The following MPRIP variants were observed in gnomAD, a reference collection of about 807,000 sequenced individuals.
The protein encoded by MPRIP is myosin phosphatase Rho interacting protein.
A neutral mutation model predicts 234.9 loss-of-function variants in MPRIP; 59 were observed. The observed-to-expected ratio is 0.25, with a 90% CI of 0.20 to 0.31. MPRIP has a LOEUF of 0.31. MPRIP is among the 10% of genes least tolerant of loss of function. The probability of loss-of-function intolerance (pLI) is 1.00; values close to 1 mark genes in which losing one functional copy is unlikely to be tolerated. For synonymous variants in MPRIP, 1,144 were observed against 1,263.9 expected (o/e 0.91, Z 2.01); for missense variants, 2,436 against 3,071.0 (o/e 0.79, Z 4.89).
intron 14 of MPRIP, among the ~76,000 whole-genome samples, chr17:17,160,321 G>A (rs562393300): frequency 2.6e-5 from 4 of 152,152 alleles, no homozygotes; most frequent in South Asian, 2.1e-4. Context: ...ACCTGAGATC[G>A]CACCATCGTA....
Position 17,172,798 on chromosome 17 carries a change from C to T in MPRIP, c.6573C>T (p.Ala2191=), listed in dbSNP as rs1387883801. Residue 2191 remains alanine, a synonymous_variant, in exon 18 of 24, where the codon GCC becomes GCT. Coordinates refer to ENST00000651222, the MANE Select transcript of MPRIP (RefSeq NM_001364716.4). ...QISSVNSDVE[A]LRRQYLEELQ... Reference sequence around the variant, plus strand: ...GCAGCGTCAACTCGGATGTTGAGGCCCTGCGGCGCCAGTACCTGTAAGTGG... The same window carrying T: ...GCAGCGTCAACTCGGATGTTGAGGCTCTGCGGCGCCAGTACCTGTAAGTGG... 1 of 1,612,256 alleles carries T rather than the reference C, an allele frequency of 6.2e-7. No individual in the cohort carries two copies. Among genetic ancestry groups the T allele is most frequent in the South Asian group, 1.1e-5 (1 of 91,044 alleles).
At position 17,164,895 on chromosome 17, in the gene MPRIP, AG is replaced by A; in HGVS notation, c.3305del (p.Ser1102ThrfsTer16). 7.7e-7 allele frequency: 1 copy of A among 1,303,818 alleles called. No individual in the cohort carries two copies. The highest frequency in any genetic ancestry group is 1.0e-6 in the Non-Finnish European group (1 of 988,688). The allele number at this position is 1,303,818 out of a possible 1,614,324, so 80.8% of individuals were successfully genotyped here. A position where few individuals can be genotyped will look rare whatever the true frequency, so the allele number is the denominator to read the frequency against. Reference sequence around the variant, plus strand: ...GCGCAGGCTCGCAGAGCACGTGCAGAGCCTCTGTGACGAGCGGGACCTCCTC... The same window carrying A: ...GCGCAGGCTCGCAGAGCACGTGCAGACCTCTGTGACGAGCGGGACCTCCTC... ...SVRRLAEHVQ[S>X]LCDERDLLRQ... On this transcript the variant is annotated frameshift_variant, in exon 16 of 24. Coordinates refer to ENST00000651222, the MANE Select transcript of MPRIP (RefSeq NM_001364716.4). LOFTEE classifies it high-confidence loss of function.
rs138392417 is a variant in MPRIP at position 17,064,056 on chromosome 17, G to A, written c.124-11654G>A. The stretch of plus-strand genomic sequence containing the variant: ...GTGGGTGGCCTCCAGGGAAGTAGTT[G>A]GAGAGGCCAGCAGAGCATACGCGGT... On this transcript the variant is annotated intron_variant, in intron 1 of 23. Coordinates refer to ENST00000651222, the MANE Select transcript of MPRIP (RefSeq NM_001364716.4). Among the ~76,000 whole-genome samples, 60 of 152,276 alleles carry A rather than the reference G, an allele frequency of 3.9e-4. 2 individuals are homozygous for A. Among genetic ancestry groups the A allele is most frequent in the African/African-American group, 1.3e-3 (53 of 41,546 alleles).
In MPRIP at chr17:17,189,257, C is replaced by T. The variant is rs1393670794; in HGVS notation, c.*4363C>T. On this transcript the variant is annotated 3_prime_UTR_variant, in exon 24 of 24. Transcript: ENST00000651222. ...AGGCTGGAGTGTAGTGGCATGATCT[C>T]GGCTCACTGCAACCTCTGCCTCCCA... 2 of 152,056 alleles carry T rather than the reference C, an allele frequency of 1.3e-5. No individual in the cohort carries two copies. Among genetic ancestry groups the T allele is most frequent in the Non-Finnish European group, 2.9e-5 (2 of 68,066 alleles). The allele number at this position is 152,056 out of a possible 1,614,324, so 9.4% of individuals were successfully genotyped here.
At chr17:17,178,111 C>G (rs2046296265) in intron 22 of MPRIP, among the ~76,000 whole-genome samples, 1 of 151,900 alleles carries the variant, frequency 6.6e-6, no homozygotes, top group South Asian at 2.1e-4. Context: ...TTAGTAGAGA[C>G]AGAGTTTCAC....
intron 22 of MPRIP, among the ~76,000 whole-genome samples, chr17:17,179,779 G>GTT (rs2046334399): frequency 6.6e-6 from 1 of 152,220 alleles, no homozygotes; most frequent in African/African-American, 2.4e-5. Context: ...CCCTGGCGGG[G>GTT]CCCCACATAC....
At chr17:17,071,673 G>A (rs750621405) in intron 1 of MPRIP, among the ~76,000 whole-genome samples, 9 of 152,168 alleles carry the variant, frequency 5.9e-5, no homozygotes, top group Non-Finnish European at 4.4e-5. Context: ...TGGAGCCTCC[G>A]ACTTGTGTGG....
chr17:17,173,067 C>T (rs1267321500), intron 18 of MPRIP, among the ~76,000 whole-genome samples: 1 of 152,268 alleles, frequency 6.6e-6, no homozygotes, highest in Non-Finnish European at 1.5e-5. Context: ...TTAAACTCCC[C>T]TCTTGTCCAG....
chr17:17,062,810 TG>T, intron 1 of MPRIP, among the ~76,000 whole-genome samples: 1 of 152,360 alleles, frequency 6.6e-6, no homozygotes, highest in East Asian at 1.9e-4. Flanking sequence ...TGAGACTGTT[TG>T]CTTCTCTCTT....
chr17:17,115,311 C>T (rs985871421), intron 3 of MPRIP, among the ~76,000 whole-genome samples: 1 of 152,204 alleles, frequency 6.6e-6, no homozygotes, highest in African/African-American at 2.4e-5. Flanking sequence ...CTGCATGGTT[C>T]CTGCTTCTTC....
chr17:17,047,770 G>C (rs1453184572), intron 1 of MPRIP, among the ~76,000 whole-genome samples: 1 of 152,080 alleles, frequency 6.6e-6, no homozygotes, highest in Non-Finnish European at 1.5e-5. Flanking sequence ...AAAATAATAT[G>C]GTAAGTTTGA....
rs1381596441 is a variant in MPRIP at position 17,165,812 on chromosome 17, G to T, written c.4221G>T (p.Gln1407His). ...ACGTGACCGTGAGGCTGGAGAGCCAGCAGGGTCAGAGCCGTGAGGCACTGC... is the reference window on the plus strand; with the variant it reads ...ACGTGACCGTGAGGCTGGAGAGCCATCAGGGTCAGAGCCGTGAGGCACTGC... Reference protein sequence around the residue: ...LKDVTVRLESQQGQSREALLA... With the variant: ...LKDVTVRLESHQGQSREALLA... Residue 1407 changes from glutamine (Q) to histidine (H), a missense_variant, in exon 16 of 24, where the codon CAG becomes CAT. Gln to His is a conservative substitution (Grantham distance 24). This residue lies in a region of MPRIP where 1,998 missense variants were observed against 2,520.3 expected (regional missense o/e 0.79). Transcript: ENST00000651222. 1.5e-6 allele frequency: 2 copies of T among 1,304,194 alleles called. No homozygotes were observed. Among genetic ancestry groups the T allele is most frequent in the Non-Finnish European group, 2.0e-6 (2 of 988,936 alleles). The allele number at this position is 1,304,194 out of a possible 1,614,324, so 80.8% of individuals were successfully genotyped here.
chr17:17,101,915 C>T (rs1377846925), intron 3 of MPRIP, among the ~76,000 whole-genome samples: 1 of 152,150 alleles, frequency 6.6e-6, no homozygotes, highest in African/African-American at 2.4e-5. Context: ...CAGGCTTGGC[C>T]TAAAAGAGGG....
Position 17,164,096 on chromosome 17 carries a change from C to T in MPRIP, c.2518-13C>T, listed in dbSNP as rs563719921. On this transcript the variant is annotated splice_polypyrimidine_tract_variant and intron_variant, in intron 15 of 23. Coordinates refer to ENST00000651222, the MANE Select transcript of MPRIP (RefSeq NM_001364716.4). ...CGAGTGTTACTAACCAGTATTTAAT[C>T]GGTTTTTTTAAGACTGAAGTGGCCG... 48 of 1,303,264 alleles carry T rather than the reference C, an allele frequency of 3.7e-5. No homozygotes were observed. The African/African-American group carries it at 6.1e-4, about 16-fold the overall frequency. The allele number at this position is 1,303,264 out of a possible 1,614,324, so 80.7% of individuals were successfully genotyped here.
chr17:17,172,962 T>G (rs1597508862), intron 18 of MPRIP, 147 bp downstream of exon 18: 1 of 649,756 alleles, frequency 1.5e-6, no homozygotes, highest in South Asian at 1.8e-5. Context: ...TCAGATGCCC[T>G]CTTGTCCAGT....
chr17:17,114,932 T>C (rs2090253428), intron 3 of MPRIP, among the ~76,000 whole-genome samples: 1 of 152,114 alleles, frequency 6.6e-6, no homozygotes, highest in Non-Finnish European at 1.5e-5. Flanking sequence ...TCTTATTTTC[T>C]CCGTTAAAAA....
chr17:17,158,439 C>A lies in MPRIP; in HGVS notation c.1837C>A (p.Pro613Thr), dbSNP rs1442368148. 1.3e-6 allele frequency: 2 copies of A among 1,564,204 alleles called. No individual in the cohort carries two copies. The highest frequency in any genetic ancestry group is 1.7e-6 in the Non-Finnish European group (2 of 1,155,198). Residue 613 changes from proline (P) to threonine (T), a missense_variant, in exon 14 of 24, where the codon CCA becomes ACA. By Grantham distance (38) the Pro-to-Thr change is conservative. Transcript: ENST00000651222. ...CATCCTCCTGCCCCACAGCTCGTTG[C>A]CAGAGGAAAAAAACAAGAGCAGCTG... ...TTAPDVTSSL[P>T]EEKNKSSCSF...
chr17:17,051,716 G>A (rs1378529336), intron 1 of MPRIP, among the ~76,000 whole-genome samples: 3 of 152,238 alleles, frequency 2.0e-5, no homozygotes, highest in Non-Finnish European at 4.4e-5. Flanking sequence ...CTTCCGTTGG[G>A]GGCAAGAGCA....
At chr17:17,110,124 G>A (rs1456536561) in intron 3 of MPRIP, among the ~76,000 whole-genome samples, 1 of 152,050 alleles carries the variant, frequency 6.6e-6, no homozygotes, top group African/African-American at 2.4e-5. Context: ...GTTTCCTGGA[G>A]ACCTTGTTGT....
Sources: allele counts gnomAD v4.1 joint callset (sites outside exome capture counted in the v4.1 genomes callset), GRCh38; gene constraint gnomAD v4.1.1; regional missense constraint gnomAD v4.1.1; transcripts MANE v1.5; gene names NCBI Gene and HGNC (gene_info 2026-07-23, HGNC 2026-07-21).